The following PLB1 variants were observed in gnomAD, a reference collection of about 807,000 sequenced individuals.
PLB1 encodes the protein phospholipase B1, membrane-associated.
PLB1 carries 242 observed loss-of-function variants against 227.4 expected under a neutral mutation model. The observed-to-expected ratio is 1.06, with a 90% CI of 0.96 to 1.18. The LOEUF (loss-of-function observed/expected upper bound fraction) is 1.18, where lower values mean the gene tolerates loss of function less well. PLB1 is among the 50% of genes most tolerant of loss of function. The probability of loss-of-function intolerance (pLI) is 0.00; values close to 1 mark genes in which losing one functional copy is unlikely to be tolerated. For missense variants in PLB1, 1,858 were observed against 1,816.3 expected, an observed-to-expected ratio of 1.02 and a Z score of -0.42; for synonymous variants, 757 against 682.2, an observed-to-expected ratio of 1.11 and a Z score of -1.71.
At position 28,628,347 on chromosome 2, in the gene PLB1, T is replaced by C. The variant is rs113881683; in HGVS notation, c.3661-216T>C. ...GAGATTATGTAGAGCAGGGTGGGGG[T>C]TGGGATTGTTCATGGTGTCTAGTAG... On this transcript the variant is annotated intron_variant, in intron 51 of 57. Transcript: ENST00000327757. Among the ~76,000 whole-genome samples the C allele has an allele frequency of 4.9e-3, 743 of 151,456 alleles. 5 individuals carry two copies. Among genetic ancestry groups the C allele is most frequent in the Non-Finnish European group, 7.2e-3 (491 of 67,800 alleles).
intron 48 of PLB1, 83 bp from the exon 49 acceptor site, chr2:28,620,796 C>T (rs1686936553): frequency 1.2e-5 from 18 of 1,477,812 alleles, no homozygotes; most frequent in Non-Finnish European, 1.7e-5. Context: ...ACCCATGTCC[C>T]CACCCTGCAT....
intron 3 of PLB1, 111 bp from the exon 4 acceptor site, chr2:28,519,594 G>A (rs1669250270): frequency 1.0e-5 from 8 of 780,472 alleles, no homozygotes; most frequent in East Asian, 5.5e-5. Flanking sequence ...CTGGACCTCC[G>A]CAGCTGTCCA....
At chr2:28,595,233 C>CT (rs1682713152) in intron 33 of PLB1, 1 of 152,192 alleles carries the variant, frequency 6.6e-6, no homozygotes. Flanking sequence ...ATGTCTCAAT[C>CT]TTTTAGTTCT....
chr2:28,590,580 T>C (rs907554187), intron 29 of PLB1, among the ~76,000 whole-genome samples: 2 of 152,130 alleles, frequency 1.3e-5, no homozygotes, highest in African/African-American at 4.8e-5. Flanking sequence ...TCACAAGTTC[T>C]CAGAAAGATT....
chr2:28,620,236 G>T lies in PLB1; in HGVS notation c.3316-29G>T, dbSNP rs756293854. ...TCCAGTGCCCTCAGCCTATACCCCA[G>T]CCCTGAACTTTCTTTTTGCTTTTTA... On this transcript the variant is annotated intron_variant, in intron 46 of 57. Transcript: ENST00000327757. 2.6e-6 allele frequency: 4 copies of T among 1,552,602 alleles called. No individual in the cohort carries two copies. The East Asian group carries it at 6.8e-5, about 27-fold the overall frequency.
At chr2:28,613,560 A>G (rs1685779763) in intron 43 of PLB1, among the ~76,000 whole-genome samples, 3 of 152,172 alleles carry the variant, frequency 2.0e-5, no homozygotes, top group Admixed American at 2.0e-4. Flanking sequence ...GAAAAAAAAA[A>G]TGACTAAGAT....
chr2:28,539,755 C>T (rs1000687852), intron 11 of PLB1, among the ~76,000 whole-genome samples: 1 of 151,582 alleles, frequency 6.6e-6, no homozygotes, highest in Admixed American at 6.6e-5. Context: ...GGATGCAAGA[C>T]AGAGAAGGTA....
chr2:28,567,702 G>A (rs1408112988), intron 20 of PLB1, among the ~76,000 whole-genome samples: 1 of 152,008 alleles, frequency 6.6e-6, no homozygotes, highest in Non-Finnish European at 1.5e-5. Context: ...TCGATTTCCT[G>A]ACTTCGTGAT....
In PLB1 at chr2:28,632,980, T is replaced by C. The variant is rs1206835641; in HGVS notation, c.4039T>C (p.Cys1347Arg). 3 of 1,606,698 alleles carry C rather than the reference T, an allele frequency of 1.9e-6. No individual in the cohort carries two copies. In the Admixed American group the frequency reaches 5.0e-5, roughly 27 times the overall value. ...DTDLTFFSED[C>R]FHFSDRGHAE... is the part of the protein sequence containing the mutation. ...TGACCTCACCTTCTTCTCCGAGGAC[T>C]GTTTTCACTTCTCAGACCGCGGGCA... Residue 1347 changes from cysteine to arginine, a missense_variant, in exon 56 of 58, where the codon TGT becomes CGT. Cys to Arg is a radical substitution (Grantham distance 180, BLOSUM62 -3). Coordinates refer to ENST00000327757, the MANE Select transcript of PLB1 (RefSeq NM_153021.5).
At chr2:28,593,947 C>CTTTT (rs386389801) in intron 33 of PLB1, 193 bp downstream of exon 33, 8,476 of 616,498 alleles carry the variant, frequency 0.014, 151 homozygotes, top group Middle Eastern at 0.017. Flanking sequence ...TGTTGATAAT[C>CTTTT]TTTTTTTTTT....
At chr2:28,548,964 TTG>T in intron 15 of PLB1, 33 bp downstream of exon 15, 1 of 1,607,114 alleles carries the variant, frequency 6.2e-7, no homozygotes, top group Non-Finnish European at 8.5e-7. Context: ...GGGACTCTTA[TTG>T]AATCGAGGGC....
At position 28,618,411 on chromosome 2, in the gene PLB1, G is replaced by GC. The variant is rs1237849943; in HGVS notation, c.3315+14dup. 1 of 1,613,462 alleles carries GC rather than the reference G, an allele frequency of 6.2e-7. No homozygotes were observed. Among genetic ancestry groups the GC allele is most frequent in the Non-Finnish European group, 8.5e-7 (1 of 1,179,592 alleles). On this transcript the variant is annotated intron_variant, in intron 46 of 57. Coordinates refer to ENST00000327757, the MANE Select transcript of PLB1 (RefSeq NM_153021.5). ...GTGACTCTCTGACTGTGAGTAGTGA[G>GC]CCATGAACCAGGATGGGCAGCTCAG...
chr2:28,538,510 A>G (rs1008530995), intron 10 of PLB1, 129 bp downstream of exon 10: 2 of 772,748 alleles, frequency 2.6e-6, no homozygotes, highest in Admixed American at 2.6e-5. Flanking sequence ...GAAACTTTAG[A>G]GCACCCCATC....
At chr2:28,572,018 A>G (rs1241435770) in intron 20 of PLB1, among the ~76,000 whole-genome samples, 2 of 152,242 alleles carry the variant, frequency 1.3e-5, no homozygotes, top group Non-Finnish European at 2.9e-5. Flanking sequence ...TGCCAATCCT[A>G]TATCTAATAA....
At chr2:28,558,251 C>T (rs1298236176) in intron 17 of PLB1, among the ~76,000 whole-genome samples, 4 of 151,974 alleles carry the variant, frequency 2.6e-5, no homozygotes, top group Admixed American at 1.3e-4. Flanking sequence ...CTTTAGCAAA[C>T]TGTAATGATA....
At chr2:28,506,694 G>C (rs2148161579) in intron 1 of PLB1, among the ~76,000 whole-genome samples, 1 of 152,270 alleles carries the variant, frequency 6.6e-6, no homozygotes, top group Admixed American at 6.5e-5. Flanking sequence ...CTTTAGCAGG[G>C]GAGTGGCATG....
At chr2:28,627,668 G>T (rs1000872315) in intron 51 of PLB1, among the ~76,000 whole-genome samples, 1 of 152,148 alleles carries the variant, frequency 6.6e-6, no homozygotes, top group African/African-American at 2.4e-5. Flanking sequence ...GAAACTCAGC[G>T]AACAGCACTG....
At chr2:28,521,554 G>C (rs1425350805) in intron 4 of PLB1, among the ~76,000 whole-genome samples, 1 of 152,134 alleles carries the variant, frequency 6.6e-6, no homozygotes, top group African/African-American at 2.4e-5. Context: ...TGATTAGTAT[G>C]TTGAACATCT....
At chr2:28,614,168 C>A in intron 44 of PLB1, 72 bp downstream of exon 44, 2 of 1,392,128 alleles carry the variant, frequency 1.4e-6, no homozygotes, top group Non-Finnish European at 2.0e-6. Flanking sequence ...GGGTGTGGTA[C>A]AGGTTTCAGA....
Sources: gnomAD v4.1 joint callset for allele counts (sites outside exome capture counted in the v4.1 genomes callset) on GRCh38, gnomAD v4.1.1 for gene constraint, MANE v1.5 for transcripts, NCBI Gene and HGNC (gene_info 2026-07-23, HGNC 2026-07-21) for gene names.